KIF12: variants seen among roughly 807,000 people sequenced by gnomAD.
KIF12 encodes the protein kinesin family member 12.
KIF12 carries 80 observed loss-of-function variants against 87.9 expected under a neutral mutation model. That is an observed-to-expected ratio of 0.91 (90% CI 0.76 to 1.10). The LOEUF (loss-of-function observed/expected upper bound fraction) is 1.10. KIF12 is among the 50% of genes least tolerant of loss of function. KIF12 has a pLI of 0.00. For synonymous variants in KIF12, 353 were observed against 348.5 expected (o/e 1.01, Z -0.14); for missense variants, 819 against 865.3 (o/e 0.95, Z 0.67).
Position 114,097,637 on chromosome 9 carries a change from G to A in KIF12, c.480C>T (p.Arg160=), listed in dbSNP as rs772552670. 4.3e-6 allele frequency: 7 copies of A among 1,611,846 alleles called. No individual in the cohort carries two copies. The highest frequency in any genetic ancestry group is 5.9e-6 in the Non-Finnish European group (7 of 1,179,176). The change falls in exon 6 of 19, where the codon CGC becomes CGT. Residue 160 remains arginine, a synonymous_variant. Transcript: ENST00000640217. Reference sequence around the variant, plus strand: ...CATTGTAGATCTCCAGATAAGAGGCGCGAAGGGTGACAGGGGCACCCAGGT... The same window carrying A: ...CATTGTAGATCTCCAGATAAGAGGCACGAAGGGTGACAGGGGCACCCAGGT... The part of the protein sequence containing the change: ...VQHLGAPVTL[R]ASYLEIYNEQ...
rs770171455 is a variant in KIF12, at chr9:114,096,004, G to C, written c.895+47C>G. The stretch of plus-strand genomic sequence containing the variant: ...CCCACTGTGGAGAGCTGTGAGCCAG[G>C]CACAGAGGAGAGACAGGAAATCACA... On this transcript the variant is annotated intron_variant, in intron 9 of 18. Transcript: ENST00000640217. The C allele has an allele frequency of 7.7e-6, 12 of 1,567,594 alleles. No individual in the cohort carries two copies. In the South Asian group the frequency reaches 9.7e-5, roughly 13 times the overall value.
Position 114,093,308 on chromosome 9 carries a change from G to A in KIF12, c.1517C>T (p.Pro506Leu). 6.4e-7 allele frequency: 1 copy of A among 1,560,614 alleles called. No individual in the cohort carries two copies. The highest frequency in any genetic ancestry group is 8.7e-7 in the Non-Finnish European group (1 of 1,151,666). The change falls in exon 16 of 19, where the codon CCC (proline) becomes CTC (leucine). Residue 506 changes from proline to leucine, a missense_variant. Physicochemically the swap from Pro to Leu is moderately conservative, Grantham distance 98. Coordinates refer to ENST00000640217, the MANE Select transcript of KIF12 (RefSeq NM_001388308.1). ...ACACAGTGGGCAGATGTGGCAGCAG[G>A]GGCAGGAGTAGAGGGGTGGCAGTGC... is the stretch of plus-strand genomic sequence containing the variant. ...CHALPPLYSCPCCHICPLCRV... is the reference protein window; with the variant it reads ...CHALPPLYSCLCCHICPLCRV...
intron 14 of KIF12, 41 bp from the exon 15 acceptor site, chr9:114,093,538 C>T: frequency 6.8e-7 from 1 of 1,480,376 alleles, no homozygotes; most frequent in Non-Finnish European, 9.2e-7. Context: ...GCCTCCAACC[C>T]TACCACCAAG....
Position 114,091,832 on chromosome 9 carries a change from C to T in KIF12, c.*29G>A, listed in dbSNP as rs1847009204. ...GTGTGGAGCCCAGTCTGAGGTCACA[C>T]AGCAGTCTCCTGGGTTCCCACTTGG... On this transcript the variant is annotated 3_prime_UTR_variant, in exon 19 of 19. Coordinates refer to ENST00000640217, the MANE Select transcript of KIF12 (RefSeq NM_001388308.1). 1.3e-6 allele frequency: 2 copies of T among 1,569,372 alleles called. No individual in the cohort carries two copies. Among genetic ancestry groups the T allele is most frequent in the African/African-American group, 1.4e-5 (1 of 73,626 alleles).
intron 7 of KIF12, 64 bp from the exon 8 acceptor site, chr9:114,096,542 A>G (rs1336435662): frequency 8.3e-6 from 11 of 1,327,178 alleles, no homozygotes; most frequent in Non-Finnish European, 1.1e-5. Context: ...CAATGAAGAA[A>G]AAGGAGCAAA....
Position 114,099,281 on chromosome 9 carries a change from T to A in KIF12, c.-5A>T. On this transcript the variant is annotated 5_prime_UTR_variant, in exon 1 of 19. Transcript: ENST00000640217. ...GGGTGACCCGCGTTCTTCCATGTCC[T>A]GCTCTGCACACGGAGTTAGCTCCGC... is the stretch of plus-strand genomic sequence containing the variant. 1.3e-6 allele frequency: 2 copies of A among 1,551,128 alleles called. No homozygotes were observed. Among genetic ancestry groups the A allele is most frequent in the Non-Finnish European group, 1.7e-6 (2 of 1,147,078 alleles).
chr9:114,093,364 C>T (rs780205483), intron 15 of KIF12, 31 bp from the exon 16 acceptor site: 7 of 1,554,652 alleles, frequency 4.5e-6, no homozygotes, highest in Non-Finnish European at 6.1e-6. Flanking sequence ...GGCTCCATGA[C>T]ATCCCTACTT....
chr9:114,094,487 T>C lies in KIF12; in HGVS notation c.1120-32A>G, dbSNP rs768196263. 38 of 1,395,970 alleles carry C rather than the reference T, an allele frequency of 2.7e-5. No individual in the cohort carries two copies. The South Asian group carries it at 3.8e-4, about 14-fold the overall frequency. The allele number at this position is 1,395,970 out of a possible 1,614,324, so 86.5% of individuals were successfully genotyped here. On this transcript the variant is annotated intron_variant, in intron 11 of 18. Coordinates refer to ENST00000640217, the MANE Select transcript of KIF12 (RefSeq NM_001388308.1). The stretch of plus-strand genomic sequence containing the variant: ...GGAAAGAGGCCCAGAGCCACCTTTA[T>C]GGTTGTATAAGTCGTGCACTGCACA...
chr9:114,097,351 C>A lies in KIF12; in HGVS notation c.596G>T (p.Arg199Leu), dbSNP rs764183720. The change falls in exon 7 of 19, where the codon CGG becomes CTG. Residue 199 changes from arginine (R) to leucine (L), a missense_variant. Physicochemically the swap from Arg to Leu is moderately radical, Grantham distance 102 (BLOSUM62 -2). Transcript: ENST00000640217. The stretch of plus-strand genomic sequence containing the variant: ...CTCCAGACTCCCAAATTCCACCACC[C>A]GCAGCTGCTCCACATAGAAGCCCCG... ...KTRGFYVEQL[R>L]VVEFGSLEAL... The A allele has an allele frequency of 6.8e-6, 11 of 1,611,022 alleles. No homozygotes were observed. The highest frequency in any genetic ancestry group is 9.3e-6 in the Non-Finnish European group (11 of 1,179,330).
In KIF12 at chr9:114,094,186, C is replaced by A. The variant is rs1327052295; in HGVS notation, c.1308G>T (p.Arg436Ser). ...MLQEFMLENE[R>S]LRKEKSQLQN... The stretch of plus-strand genomic sequence containing the variant: ...GGCTGTGGGCTGTGCCCTACCTGAG[C>A]CTCTCATTCTCTAGCATGAACTCCT... The change falls in exon 13 of 19, where the codon AGG becomes AGT. Residue 436 changes from arginine to serine, a missense_variant. Transcript: ENST00000640217. 1.3e-5 allele frequency: 21 copies of A among 1,613,384 alleles called. No homozygotes were observed. Among genetic ancestry groups the A allele is most frequent in the Non-Finnish European group, 1.8e-5 (21 of 1,179,664 alleles).
intron 9 of KIF12, 39 bp from the exon 10 acceptor site, chr9:114,095,371 T>C (rs756804465): frequency 6.3e-7 from 1 of 1,591,424 alleles, no homozygotes; most frequent in South Asian, 1.1e-5. Flanking sequence ...GTTACATCAC[T>C]TGCCTAGGGC....
Position 114,094,267 on chromosome 9 carries a change from T to C in KIF12, c.1227A>G (p.Ser409=), listed in dbSNP as rs559933389. ...FQLDQMDCKA[S]GLSGARVAWA... is the part of the protein sequence containing the mutation. ...AGGCCACCCGGGCTCCACTGAGCCC[T>C]GAGGCTGCAGGGAAGCAGGAGGTGG... is the stretch of plus-strand genomic sequence containing the variant. The change falls in exon 13 of 19, where the codon TCA becomes TCG. Residue 409 remains serine (S), a synonymous_variant. Transcript: ENST00000640217. 16 of 1,613,738 alleles carry C rather than the reference T, an allele frequency of 9.9e-6. No homozygotes were observed. The highest frequency in any genetic ancestry group is 1.7e-4 in the Middle Eastern group (1 of 6,058).
At chr9:114,096,577 T>G in intron 7 of KIF12, 99 bp from the exon 8 acceptor site, 1 of 1,027,224 alleles carries the variant, frequency 9.7e-7, no homozygotes, top group Non-Finnish European at 1.5e-6. Context: ...AGGGTCAGCC[T>G]CATGCAAAGG....
At position 114,098,237 on chromosome 9, in the gene KIF12, G is replaced by C. The variant is rs537164673; in HGVS notation, c.300-47C>G. On this transcript the variant is annotated intron_variant, in intron 4 of 18. Transcript: ENST00000640217. ...CTGGACTCCGGCGGCTACCCGGGGT[G>C]GGGGCTGGGGGTGCTTCGGGGCCCC... The C allele has an allele frequency of 6.6e-5, 53 of 808,376 alleles. No individual in the cohort carries two copies. In the South Asian group the frequency reaches 1.4e-3, roughly 21 times the overall value. 50.1% of individuals were successfully genotyped at this position (808,376 alleles called of 1,614,324 possible).
chr9:114,097,187 C>T, intron 7 of KIF12, 114 bp downstream of exon 7: 4 of 1,372,772 alleles, frequency 2.9e-6, no homozygotes, highest in Non-Finnish European at 3.9e-6. Flanking sequence ...TCCCCACCTC[C>T]CCCAGGAATC....
chr9:114,094,596 G>T lies in KIF12; in HGVS notation c.1120-141C>A, dbSNP rs1588502589. The T allele has an allele frequency of 1.9e-5, 12 of 617,446 alleles. No individual in the cohort carries two copies. The East Asian group carries it at 3.3e-4, about 17-fold the overall frequency. 38.2% of individuals were successfully genotyped at this position (617,446 alleles called of 1,614,324 possible). A position where few individuals can be genotyped will look rare whatever the true frequency, so the allele number is the denominator to read the frequency against. On this transcript the variant is annotated intron_variant, in intron 11 of 18. Transcript: ENST00000640217. The stretch of plus-strand genomic sequence containing the variant: ...CAGCCTTGCATCTTGGCACAAGGCT[G>T]TATCTGCCTGGAAGGGGCACCTTGT...
Position 114,092,000 on chromosome 9 carries a change from C to T in KIF12, c.1817G>A (p.Gly606Asp), listed in dbSNP as rs758732229. ...GGCCAGGTTTGGAACCCCGGCCCCA[C>T]CTAAGGAGCAGTGAGACTCGAGGCC... ...RPPKTSPGLRGGAGVPNLAQR... is the reference protein window; with the variant it reads ...RPPKTSPGLRDGAGVPNLAQR... Residue 606 changes from glycine to aspartate, a missense_variant and splice_region_variant, in exon 19 of 19, where the codon GGT becomes GAT. Transcript: ENST00000640217. 5 of 1,610,340 alleles carry T rather than the reference C, an allele frequency of 3.1e-6. No homozygotes were observed. The highest frequency in any genetic ancestry group is 2.2e-5 in the South Asian group (2 of 90,828).
rs148793055 is a variant in KIF12 at position 114,094,375 on chromosome 9, C to G, written c.1200G>C (p.Gln400His). Reference sequence around the variant, plus strand: ...TACCCTTGCAGTCCATTTGGTCCAGCTGGAACTGCAGGCGACGGTTCTCCT... The same window carrying G: ...TACCCTTGCAGTCCATTTGGTCCAGGTGGAACTGCAGGCGACGGTTCTCCT... ...LQEENRRLQF[Q>H]LDQMDCKASG... The change falls in exon 12 of 19, where the codon CAG (glutamine) becomes CAC (histidine). Residue 400 changes from glutamine (Q) to histidine (H), a missense_variant. Gln to His is a conservative substitution (Grantham distance 24). Coordinates refer to ENST00000640217, the MANE Select transcript of KIF12 (RefSeq NM_001388308.1). 47 of 1,613,670 alleles carry G rather than the reference C, an allele frequency of 2.9e-5. No homozygotes were observed. Among genetic ancestry groups the G allele is most frequent in the Non-Finnish European group, 3.8e-5 (45 of 1,179,704 alleles).
intron 3 of KIF12, 77 bp from the exon 4 acceptor site, chr9:114,098,506 G>A: frequency 1.3e-6 from 1 of 796,834 alleles, no homozygotes; most frequent in Non-Finnish European, 1.7e-6. Context: ...CACCGTGGAG[G>A]AGGGCGGGGC....
Sources: allele counts gnomAD v4.1 joint callset, GRCh38; gene constraint gnomAD v4.1.1; transcripts MANE v1.5; gene names NCBI Gene and HGNC (gene_info 2026-07-23, HGNC 2026-07-21).